DNAH7: variants seen among roughly 807,000 people sequenced by gnomAD.
The protein encoded by DNAH7 is dynein axonemal heavy chain 7.
DNAH7 carries 397 observed loss-of-function variants against 444.6 expected under a neutral mutation model. That is an observed-to-expected ratio of 0.89 (90% CI 0.82 to 0.97). The LOEUF (loss-of-function observed/expected upper bound fraction) is 0.97, where lower values mean the gene tolerates loss of function less well. DNAH7 is among the 50% of genes least tolerant of loss of function. DNAH7 has a pLI of 0.00. For missense variants in DNAH7, 4,902 were observed against 4,800.8 expected (o/e 1.02, Z -0.62); for synonymous variants, 1,636 against 1,624.4 (o/e 1.01, Z -0.17).
At chr2:195,846,253 A>G (rs1320985773) in intron 46 of DNAH7, among the ~76,000 whole-genome samples, 1 of 152,208 alleles carries the variant, frequency 6.6e-6, no homozygotes, top group Non-Finnish European at 1.5e-5. Flanking sequence ...CAAGGATATG[A>G]AAAAATGCTC....
intron 51 of DNAH7, among the ~76,000 whole-genome samples, chr2:195,810,501 TC>T (rs1176281729): frequency 6.6e-6 from 1 of 152,130 alleles, no homozygotes; most frequent in Non-Finnish European, 1.5e-5. Flanking sequence ...AACCTCCACC[TC>T]CCTGGCTCAA....
chr2:195,822,220 A>T (rs1697507416), intron 49 of DNAH7, among the ~76,000 whole-genome samples: 1 of 152,234 alleles, frequency 6.6e-6, no homozygotes, highest in African/African-American at 2.4e-5. Context: ...ATGAGAAACC[A>T]AGTCCACAGG....
intron 36 of DNAH7, among the ~76,000 whole-genome samples, chr2:195,877,790 G>A (rs1321665237): frequency 6.6e-6 from 1 of 152,206 alleles, no homozygotes; most frequent in Admixed American, 6.5e-5. Context: ...CAGCCCAGCA[G>A]GAGCTACCTT....
At chr2:195,847,129 T>TATCTTATATATATATCAGATATATAC (rs1553535913) in intron 46 of DNAH7, among the ~76,000 whole-genome samples, 3,091 of 146,928 alleles carry the variant, frequency 0.021, 114 homozygotes, top group African/African-American at 0.072. Context: ...GATATATATA[T>TATCTTATATATATATCAGATATATAC]ATCTTATATA....
intron 63 of DNAH7, among the ~76,000 whole-genome samples, chr2:195,749,604 T>C (rs1017075135): frequency 1.3e-5 from 2 of 151,244 alleles, no homozygotes; most frequent in African/African-American, 4.9e-5. Context: ...AATGATAGAC[T>C]GGATTAAGAA....
chr2:196,001,731 G>A lies in DNAH7; in HGVS notation c.1117C>T (p.Gln373Ter). 6.2e-7 allele frequency: 1 copy of A among 1,604,786 alleles called. No individual in the cohort carries two copies. Among genetic ancestry groups the A allele is most frequent in the Non-Finnish European group, 8.5e-7 (1 of 1,175,606 alleles). ...TGCATGGAGACTAAAGTGAGGTCCT[G>A]CAGCTGTAAAGTCATAAGTGCAGCA... ...CAAALMTLQL[Q>*]DLTLVSMQDF... The change falls in exon 11 of 65, where the codon CAG becomes TAG. Residue 373 changes from glutamine (Q) to a stop codon, truncating the protein, a stop_gained. Coordinates refer to ENST00000312428, the MANE Select transcript of DNAH7 (RefSeq NM_018897.3). LOFTEE classifies it high-confidence loss of function.
At chr2:195,752,262 C>T (rs546271391) in intron 63 of DNAH7, among the ~76,000 whole-genome samples, 1 of 106,078 alleles carries the variant, frequency 9.4e-6, no homozygotes, top group East Asian at 2.7e-4. Flanking sequence ...CAATGTGAGA[C>T]CCTATCTCAA....
chr2:196,045,330 G>C (rs74831451), intron 5 of DNAH7, among the ~76,000 whole-genome samples: 5,611 of 151,488 alleles, frequency 0.037, 245 homozygotes, highest in African/African-American at 0.098. Context: ...AAGAATAAAA[G>C]AGGGAGGAAG....
chr2:195,917,898 G>A (rs1287236617), intron 24 of DNAH7, among the ~76,000 whole-genome samples: 1 of 152,064 alleles, frequency 6.6e-6, no homozygotes, highest in Non-Finnish European at 1.5e-5. Context: ...TGAATTCTTG[G>A]TGTCAAGTGA....
intron 46 of DNAH7, among the ~76,000 whole-genome samples, chr2:195,852,619 T>C (rs1482236904): frequency 1.3e-5 from 2 of 152,128 alleles, no homozygotes; most frequent in Non-Finnish European, 2.9e-5. Flanking sequence ...GGGTCTCTCA[T>C]TCAGTAAAAA....
chr2:195,858,595 G>T lies in DNAH7; in HGVS notation c.7946C>A (p.Thr2649Lys). The T allele has an allele frequency of 6.2e-7, 1 of 1,613,930 alleles. No individual in the cohort carries two copies. Among genetic ancestry groups the T allele is most frequent in the Non-Finnish European group, 8.5e-7 (1 of 1,179,928 alleles). Residue 2649 changes from threonine (T) to lysine (K), a missense_variant, in exon 43 of 65, where the codon ACA (threonine) becomes AAA (lysine). Coordinates refer to ENST00000312428, the MANE Select transcript of DNAH7 (RefSeq NM_018897.3). ...KTEKIVKADE[T>K]IANEQAMASK... Reference sequence around the variant, plus strand: ...AGCCATAGCTTGTTCATTCGCTATTGTTTCATCAGCTTTCACTATTTTTTC... The same window carrying T: ...AGCCATAGCTTGTTCATTCGCTATTTTTTCATCAGCTTTCACTATTTTTTC...
chr2:196,037,304 T>G (rs1042283228), intron 5 of DNAH7, among the ~76,000 whole-genome samples: 2 of 151,660 alleles, frequency 1.3e-5, no homozygotes, highest in African/African-American at 4.9e-5. Flanking sequence ...TTATAACAGA[T>G]GCACAGATAT....
chr2:196,031,595 C>G (rs903224551), intron 5 of DNAH7, among the ~76,000 whole-genome samples: 2 of 152,172 alleles, frequency 1.3e-5, no homozygotes, highest in African/African-American at 4.8e-5. Context: ...CTCTTGAATG[C>G]TTTGCTGCCT....
chr2:195,978,012 T>C lies in DNAH7; in HGVS notation c.1834-5546A>G, dbSNP rs932278409. 3.9e-5 allele frequency among the ~76,000 whole-genome samples: 6 copies of C among 152,194 alleles called. No homozygotes were observed. The South Asian group carries it at 1.0e-3, about 26-fold the overall frequency. Reference sequence around the variant, plus strand: ...GAATATTAAAGGGAGTTCTTCAATCTGAAAGCAAAGGACAATAATGAACAA... The same window carrying C: ...GAATATTAAAGGGAGTTCTTCAATCCGAAAGCAAAGGACAATAATGAACAA... On this transcript the variant is annotated intron_variant, in intron 15 of 64. Transcript: ENST00000312428.
At chr2:195,856,561 T>C (rs1000636355) in intron 44 of DNAH7, among the ~76,000 whole-genome samples, 1 of 152,226 alleles carries the variant, frequency 6.6e-6, no homozygotes, top group Non-Finnish European at 1.5e-5. Context: ...CACTACTATA[T>C]ATATAGAATG....
intron 12 of DNAH7, among the ~76,000 whole-genome samples, chr2:195,990,775 T>TTG (rs140976714): frequency 0.027 from 3,582 of 132,908 alleles, 85 homozygotes; most frequent in African/African-American, 0.04. Context: ...TATAGCTTTG[T>TTG]TGTGTGTGTG....
In DNAH7 at chr2:195,816,876, T is replaced by A. The variant is rs1697246850; in HGVS notation, c.9513A>T (p.Ile3171=). ...TAGCCAAGGCCTTGGAGGAAGATAA[T>A]ATCTTAATAGCAGTTTCATCTTCTA... is the stretch of plus-strand genomic sequence containing the variant. ...NILEDETAIK[I]LSSSKALANE... is the part of the protein sequence containing the mutation. The change falls in exon 51 of 65, where the codon ATA becomes ATT. Residue 3171 remains isoleucine, a synonymous_variant. Coordinates refer to ENST00000312428, the MANE Select transcript of DNAH7 (RefSeq NM_018897.3). 1 of 1,614,154 alleles carries A rather than the reference T, an allele frequency of 6.2e-7. No individual in the cohort carries two copies. The highest frequency in any genetic ancestry group is 8.5e-7 in the Non-Finnish European group (1 of 1,179,976).
Position 196,053,490 on chromosome 2 carries a change from T to C in DNAH7, c.79-2241A>G, listed in dbSNP as rs114804552. 4.8e-3 allele frequency among the ~76,000 whole-genome samples: 729 copies of C among 152,338 alleles called. 2 individuals are homozygous for C. The highest frequency in any genetic ancestry group is 7.9e-3 in the Non-Finnish European group (538 of 68,018). ...TTATGATGTAGAGACATACAAAAGC[T>C]ATTTCATAAATGGTTCTGATGATAC... On this transcript the variant is annotated intron_variant, in intron 2 of 64. Transcript: ENST00000312428.
At chr2:195,807,644 C>A (rs16840089) in intron 53 of DNAH7, among the ~76,000 whole-genome samples, 3,427 of 152,128 alleles carry the variant, frequency 0.023, 55 homozygotes, top group Non-Finnish European at 0.03. Context: ...CAATTGAGAG[C>A]TATTAAAAAA....
Sources: gnomAD v4.1 joint callset for allele counts (sites outside exome capture counted in the v4.1 genomes callset) on GRCh38, gnomAD v4.1.1 for gene constraint, MANE v1.5 for transcripts, NCBI Gene and HGNC (gene_info 2026-07-23, HGNC 2026-07-21) for gene names.